Variants in ANO8 observed in about 807,000 individuals in gnomAD.
ANO8 encodes the protein anoctamin-8.
In ANO8, 67 loss-of-function variants were observed where a neutral mutation model predicts 120.4. That is an observed-to-expected ratio of 0.56 (90% CI 0.46 to 0.68). The LOEUF is 0.68. ANO8 is among the 30% of genes least tolerant of loss of function. The probability of loss-of-function intolerance (pLI) is 0.00; values close to 1 mark genes in which losing one functional copy is unlikely to be tolerated. For missense variants in ANO8, 1,526 were observed against 1,737.6 expected (o/e 0.88, Z 2.16); for synonymous variants, 727 against 759.2 (o/e 0.96, Z 0.70).
chr19:17,327,417 C>T (rs774950009), intron 15 of ANO8, 21 bp downstream of exon 15: 4 of 1,586,418 alleles, frequency 2.5e-6, no homozygotes, highest in Non-Finnish European at 2.6e-6. Flanking sequence ...CAGCTGCCCC[C>T]GCCCCTGTCG....
chr19:17,333,682 T>C lies in ANO8; in HGVS notation c.217+8A>G. ...GCACTGGGCGGGCGGGCGGGCGGGC[T>C]TGGGTACCTGGGAAGGTCATCAGCA... On this transcript the variant is annotated splice_region_variant and intron_variant, in intron 2 of 17. Coordinates refer to ENST00000159087, the MANE Select transcript of ANO8 (RefSeq NM_020959.3). This position sits in a 1 kb window ranked among gnomAD's most constrained non-coding sequence, Gnocchi z 7.2. The C allele has an allele frequency of 6.4e-7, 1 of 1,574,282 alleles. No individual in the cohort carries two copies. The highest frequency in any genetic ancestry group is 8.6e-7 in the Non-Finnish European group (1 of 1,162,420).
Position 17,331,234 on chromosome 19 carries a change from G to A in ANO8, c.704-19C>T. 1 of 1,614,120 alleles carries A rather than the reference G, an allele frequency of 6.2e-7. No homozygotes were observed. Among genetic ancestry groups the A allele is most frequent in the Non-Finnish European group, 8.5e-7 (1 of 1,180,014 alleles). On this transcript the variant is annotated intron_variant, in intron 6 of 17. Transcript: ENST00000159087. ...ATGTCATCTGCCAGGGGACAAGTGGGTCTCAGTCACCCCCTGCCTGTCTGC... is the reference window on the plus strand; with the variant it reads ...ATGTCATCTGCCAGGGGACAAGTGGATCTCAGTCACCCCCTGCCTGTCTGC...
At chr19:17,324,071 C>CT (rs1272074029) in intron 17 of ANO8, among the ~76,000 whole-genome samples, 187 bp from the exon 18 acceptor site, 2 of 151,804 alleles carry the variant, frequency 1.3e-5, no homozygotes, top group Non-Finnish European at 2.9e-5. Flanking sequence ...TGGGCACGGC[C>CT]CTGCCGGTCA....
Position 17,334,632 on chromosome 19 carries a change from C to T in ANO8, c.39G>A (p.Leu13=). The change falls in exon 1 of 18, where the codon CTG becomes CTA. Residue 13 remains leucine (L), a synonymous_variant. Coordinates refer to ENST00000159087, the MANE Select transcript of ANO8 (RefSeq NM_020959.3). ...EAASGAGGTS[L]EGERGKRPPP... ...GGGGCCTCTTGCCACGCTCGCCCTC[C>T]AGGGACGTGCCCCCGGCGCCGGAGG... 6.6e-7 allele frequency: 1 copy of T among 1,504,804 alleles called. No individual in the cohort carries two copies. Among genetic ancestry groups the T allele is most frequent in the Non-Finnish European group, 8.8e-7 (1 of 1,134,686 alleles). The allele number at this position is 1,504,804 out of a possible 1,614,324, so 93.2% of individuals were successfully genotyped here.
At chr19:17,331,602 G>A (rs75782064) in intron 5 of ANO8, among the ~76,000 whole-genome samples, 191 bp from the exon 6 acceptor site, 13,030 of 152,124 alleles carry the variant, frequency 0.086, 652 homozygotes, top group Non-Finnish European at 0.11. Flanking sequence ...AGGGGCAGGC[G>A]GGGAGAATGT....
At chr19:17,324,161 C>T (rs994766624) in intron 17 of ANO8, among the ~76,000 whole-genome samples, 4 of 146,366 alleles carry the variant, frequency 2.7e-5, no homozygotes, top group Non-Finnish European at 6.0e-5. Context: ...TGTTGGGCTC[C>T]CTGGGAATGG....
chr19:17,331,026 G>T, intron 7 of ANO8, 37 bp from the exon 8 acceptor site: 2 of 1,613,880 alleles, frequency 1.2e-6, no homozygotes, highest in Admixed American at 1.7e-5. Flanking sequence ...CATTGTTTGT[G>T]CCAGTCCAGA....
intron 5 of ANO8, 88 bp from the exon 6 acceptor site, chr19:17,331,499 CT>C: frequency 8.4e-7 from 1 of 1,188,802 alleles, no homozygotes; most frequent in Non-Finnish European, 1.2e-6. Context: ...CAAGTCACAG[CT>C]TTTTGCCTGC....
rs758160988 is a variant in ANO8 at position 17,328,583 on chromosome 19, CCCTCCTCCTCGT to C, written c.1793_1804del (p.Asp598_Glu601del). The C allele has an allele frequency of 9.1e-6, 14 of 1,546,564 alleles. No individual in the cohort carries two copies. The Admixed American group carries it at 2.4e-4, about 26-fold the overall frequency. ...GCAGTCCAGGAGGCCCCCTTCCTCG[CCCTCCTCCTCGT>C]CCTCCTCTTCCTCCTCGTCCTCCTC... On this transcript the variant is annotated inframe_deletion, in exon 13 of 18. Coordinates refer to ENST00000159087, the MANE Select transcript of ANO8 (RefSeq NM_020959.3).
In ANO8 at chr19:17,327,339, C is replaced by G. The variant is rs1339705977; in HGVS notation, c.2557G>C (p.Ala853Pro). The G allele has an allele frequency of 6.5e-7, 1 of 1,550,240 alleles. No individual in the cohort carries two copies. Among genetic ancestry groups the G allele is most frequent in the South Asian group, 1.2e-5 (1 of 84,188 alleles). Reference protein sequence around the residue: ...IVSVVVLEHFALLLKYLIHVA... With the variant: ...IVSVVVLEHFPLLLKYLIHVA... ...TGGATGAGGTACTTGAGGAGCAGAG[C>G]GAAGTGCTGCAGGGGTGGCAGAGAG... The change falls in exon 16 of 18, where the codon GCT becomes CCT. Residue 853 changes from alanine (A) to proline (P), a missense_variant. Around this residue, in one of 8 missense-constraint regions of ANO8, gnomAD observed 489 missense variants for 548.6 expected, o/e 0.89. Coordinates refer to ENST00000159087, the MANE Select transcript of ANO8 (RefSeq NM_020959.3).
At chr19:17,324,666 C>T in intron 17 of ANO8, 51 bp downstream of exon 17, 1 of 1,513,902 alleles carries the variant, frequency 6.6e-7, no homozygotes. Context: ...CCACCCTACC[C>T]TATCCCCAAA....
intron 12 of ANO8, chr19:17,329,410 T>C: frequency 2.6e-6 from 1 of 386,620 alleles, no homozygotes; most frequent in Non-Finnish European, 4.7e-6. Context: ...CTGCCCGTAC[T>C]TTGGCCCGGG....
intron 5 of ANO8, among the ~76,000 whole-genome samples, chr19:17,332,675 G>A (rs1199860956): frequency 6.6e-6 from 1 of 152,110 alleles, no homozygotes; most frequent in Non-Finnish European, 1.5e-5. Context: ...CCAACCCTTT[G>A]CCAACCCCTA....
Position 17,328,606 on chromosome 19 carries a change from CTCCTCG to C in ANO8, c.1776_1781del (p.Asp592_Glu593del). ...CGCCCTCCTCCTCGTCCTCCTCTTC[CTCCTCG>C]TCCTCCTCCTCCTCGTCGTCCTCGT... On this transcript the variant is annotated inframe_deletion, in exon 13 of 18. Coordinates refer to ENST00000159087, the MANE Select transcript of ANO8 (RefSeq NM_020959.3). 6.5e-7 allele frequency: 1 copy of C among 1,542,824 alleles called. No individual in the cohort carries two copies.
Position 17,333,082 on chromosome 19 carries a change from G to A in ANO8, c.489+19C>T, listed in dbSNP as rs79771034. 156,817 of 1,613,414 alleles carry A rather than the reference G, an allele frequency of 0.097. 8,293 individuals carry two copies. The highest frequency in any genetic ancestry group is 0.11 in the Non-Finnish European group (130,067 of 1,179,512). ...CTCATAGGCACAGGATGCATGCGGG[G>A]GCCCAGAGCCGGCCTCACCTGGGAG... On this transcript the variant is annotated intron_variant, in intron 4 of 17. Transcript: ENST00000159087. The surrounding 1 kb of genome is among the most constrained non-coding windows in gnomAD (Gnocchi z 7.2).
chr19:17,328,690 C>G lies in ANO8; in HGVS notation c.1698G>C (p.Arg566=). ...CCCCCTCCTCCCCGCCTTCCCCCGC[C>G]CGCCGCCGCTCCACCAGCGCCGCCT... ...EEEAALVERR[R]AGEGGEEGDG... Residue 566 remains arginine, a synonymous_variant, in exon 13 of 18, where the codon CGG becomes CGC. Coordinates refer to ENST00000159087, the MANE Select transcript of ANO8 (RefSeq NM_020959.3). 1.4e-6 allele frequency: 2 copies of G among 1,397,772 alleles called. No individual in the cohort carries two copies. The allele number at this position is 1,397,772 out of a possible 1,614,324, so 86.6% of individuals were successfully genotyped here.
chr19:17,334,495 C>G, intron 1 of ANO8, 70 bp downstream of exon 1: 1 of 1,308,818 alleles, frequency 7.6e-7, no homozygotes, highest in Non-Finnish European at 1.0e-6. Flanking sequence ...CCTGATCCTC[C>G]TCCCCGTGTA....
At chr19:17,328,001 C>A in intron 13 of ANO8, 121 bp from the exon 14 acceptor site, 1 of 1,420,888 alleles carries the variant, frequency 7.0e-7, no homozygotes, top group Non-Finnish European at 9.5e-7. Context: ...CCTCAGCCAG[C>A]CCAGAGGCTT....
chr19:17,325,017 C>T lies in ANO8; in HGVS notation c.3031G>A (p.Ala1011Thr). Residue 1011 changes from alanine to threonine, a missense_variant, in exon 17 of 18, where the codon GCC becomes ACC. Ala to Thr is a moderately conservative substitution (Grantham distance 58). This residue lies in a region of ANO8 where 489 missense variants were observed against 548.6 expected (regional missense o/e 0.89). Coordinates refer to ENST00000159087, the MANE Select transcript of ANO8 (RefSeq NM_020959.3). ...GAGATTRPPP[A>T]QSPTGSDTRL... Reference sequence around the variant, plus strand: ...GTGTCGCTGCCTGTGGGTGACTGGGCAGGGGGAGGCCGGGTGGTGGCTCCG... The same window carrying T: ...GTGTCGCTGCCTGTGGGTGACTGGGTAGGGGGAGGCCGGGTGGTGGCTCCG... 6.2e-7 allele frequency: 1 copy of T among 1,612,952 alleles called. No homozygotes were observed. The highest frequency in any genetic ancestry group is 8.5e-7 in the Non-Finnish European group (1 of 1,179,866).
Sources: allele counts gnomAD v4.1 joint callset (sites outside exome capture counted in the v4.1 genomes callset), GRCh38; gene constraint gnomAD v4.1.1; regional missense constraint gnomAD v4.1.1; non-coding constraint Gnocchi (gnomAD v3.1); transcripts MANE v1.5; gene names NCBI Gene and HGNC (gene_info 2026-07-23, HGNC 2026-07-21).